Variants in LUC7L2 observed in about 807,000 individuals in gnomAD.
The protein encoded by LUC7L2 is LUC7 like 2, pre-mRNA splicing factor.
A neutral mutation model predicts 52.8 loss-of-function variants in LUC7L2; 25 were observed. The observed-to-expected ratio is 0.47, with a 90% CI of 0.34 to 0.66. LUC7L2 has a LOEUF of 0.66. Among genes scored for constraint, LUC7L2 ranks in the 30% least tolerant of loss-of-function variants. LUC7L2 has a pLI of 0.01. For synonymous variants in LUC7L2, 144 were observed against 160.9 expected, an observed-to-expected ratio of 0.89 and a Z score of 0.80; for missense variants, 328 against 497.8, an observed-to-expected ratio of 0.66 and a Z score of 3.25.
At chr7:139,376,654 T>G (rs1394156477) in intron 2 of LUC7L2, among the ~76,000 whole-genome samples, 1 of 152,206 alleles carries the variant, frequency 6.6e-6, no homozygotes, top group Non-Finnish European at 1.5e-5. Flanking sequence ...CAATTTAGAT[T>G]CTATGTCTGC....
At chr7:139,358,057 G>T (rs777046846), upstream of LUC7L2, among the ~76,000 whole-genome samples, 1 of 151,920 alleles carries the variant, frequency 6.6e-6, no homozygotes, top group Non-Finnish European at 1.5e-5. Context: ...ACCCAGCCTG[G>T]AGTGCAGTGG....
At chr7:139,381,514 A>C (rs1190007512) in intron 2 of LUC7L2, among the ~76,000 whole-genome samples, 1 of 151,578 alleles carries the variant, frequency 6.6e-6, no homozygotes, top group Non-Finnish European at 1.5e-5. Flanking sequence ...GGATCAAGCA[A>C]GTCTCCCGCC....
chr7:139,356,358 A>G (rs1799607110), upstream of LUC7L2, among the ~76,000 whole-genome samples: 1 of 150,826 alleles, frequency 6.6e-6, no homozygotes, highest in Admixed American at 6.6e-5. Context: ...CCTCCAACCT[A>G]GGATTTAGCT....
intron 1 of LUC7L2, among the ~76,000 whole-genome samples, chr7:139,366,446 A>G (rs552441860): frequency 6.6e-6 from 1 of 152,216 alleles, no homozygotes; most frequent in South Asian, 2.1e-4. Flanking sequence ...GTGCTCTAGT[A>G]TTAGTTTAAA....
chr7:139,360,020 G>C lies in LUC7L2; in HGVS notation c.-242G>C. The C allele has an allele frequency of 4.0e-6, 2 of 504,560 alleles. No homozygotes were observed. Among genetic ancestry groups the C allele is most frequent in the East Asian group, 3.5e-5 (1 of 28,440 alleles). The allele number at this position is 504,560 out of a possible 1,614,324, so 31.3% of individuals were successfully genotyped here. On this transcript the variant is annotated 5_prime_UTR_variant, in exon 1 of 10. Coordinates refer to ENST00000354926, the MANE Select transcript of LUC7L2 (RefSeq NM_016019.5). Reference sequence around the variant, plus strand: ...CCGTGTCGCTTCTGTCCCAAGAACCGGACGGAGAGTGAGGGCACGAGGGTC... The same window carrying C: ...CCGTGTCGCTTCTGTCCCAAGAACCCGACGGAGAGTGAGGGCACGAGGGTC...
At chr7:139,355,181 C>T (rs7801613), upstream of LUC7L2, among the ~76,000 whole-genome samples, 58,665 of 151,782 alleles carry the variant, frequency 0.39, 15,767 homozygotes, top group African/African-American at 0.77. Flanking sequence ...CCAGACTTTC[C>T]GCCCAGATTT....
intron 1 of LUC7L2, among the ~76,000 whole-genome samples, chr7:139,364,827 C>T (rs1800071128): frequency 6.6e-6 from 1 of 152,192 alleles, no homozygotes; most frequent in Non-Finnish European, 1.5e-5. Context: ...CTTGACTTTT[C>T]ATCAACATTG....
At position 139,360,224 on chromosome 7, in the gene LUC7L2, C is replaced by T. The variant is rs929287063; in HGVS notation, c.-38C>T. 37 of 1,514,562 alleles carry T rather than the reference C, an allele frequency of 2.4e-5. No individual in the cohort carries two copies. The highest frequency in any genetic ancestry group is 3.2e-5 in the Non-Finnish European group (36 of 1,119,094). 93.8% of individuals were successfully genotyped at this position (1,514,562 alleles called of 1,614,324 possible). A position where few individuals can be genotyped will look rare whatever the true frequency, so the allele number is the denominator to read the frequency against. ...CCCCAGCCCAAAAGGGCCCGGTCTG[C>T]GCCCCACCCCCGCCCGTCCGCCCGC... On this transcript the variant is annotated 5_prime_UTR_variant, in exon 1 of 10. Coordinates refer to ENST00000354926, the MANE Select transcript of LUC7L2 (RefSeq NM_016019.5).
chr7:139,420,225 CGA>C (rs1554398799), intron 9 of LUC7L2, among the ~76,000 whole-genome samples: 1 of 151,740 alleles, frequency 6.6e-6, no homozygotes, highest in Non-Finnish European at 1.5e-5. Context: ...TTTTTTGAGA[CGA>C]GAGTCTCGTT....
chr7:139,410,703 C>A (rs1233071858), intron 7 of LUC7L2, among the ~76,000 whole-genome samples: 1 of 152,094 alleles, frequency 6.6e-6, no homozygotes, highest in Non-Finnish European at 1.5e-5. Context: ...AATTTAAATA[C>A]CTTCTCTTTA....
intron 1 of LUC7L2, among the ~76,000 whole-genome samples, chr7:139,350,639 A>G (rs2131156143): frequency 6.6e-6 from 1 of 150,904 alleles, no homozygotes; most frequent in Admixed American, 6.6e-5. Context: ...CACTATGGGC[A>G]ATTCCCTGCT....
At position 139,412,570 on chromosome 7, in the gene LUC7L2, A is replaced by G; in HGVS notation, c.799A>G (p.Asn267Asp). The G allele has an allele frequency of 2.5e-6, 4 of 1,606,134 alleles. No homozygotes were observed. Among genetic ancestry groups the G allele is most frequent in the Non-Finnish European group, 3.4e-6 (4 of 1,177,562 alleles). The change falls in exon 8 of 10, where the codon AAT (asparagine) becomes GAT (aspartate). Residue 267 changes from asparagine (N) to aspartate (D), a missense_variant. Around this residue, in one of 2 missense-constraint regions of LUC7L2, gnomAD observed 195 missense variants for 223.3 expected, o/e 0.87. Coordinates refer to ENST00000354926, the MANE Select transcript of LUC7L2 (RefSeq NM_016019.5). ...TTTTAGGTCCCGATCACACAGCAAGAATCCAAAAAGGTAGGTGTATTACAT... is the reference window on the plus strand; with the variant it reads ...TTTTAGGTCCCGATCACACAGCAAGGATCCAAAAAGGTAGGTGTATTACAT... ...KLRRSRSHSK[N>D]PKRSRSREHR...
intron 1 of LUC7L2, among the ~76,000 whole-genome samples, chr7:139,367,097 G>C (rs1014218059): frequency 6.6e-6 from 1 of 151,882 alleles, no homozygotes; most frequent in Non-Finnish European, 1.5e-5. Flanking sequence ...CTAGCTTCCC[G>C]AGTGGCTGAG....
chr7:139,392,995 G>A (rs919473871), intron 2 of LUC7L2, among the ~76,000 whole-genome samples: 1 of 151,892 alleles, frequency 6.6e-6, no homozygotes, highest in African/African-American at 2.4e-5. Flanking sequence ...GACCAGGTGT[G>A]GTGGCTCACG....
At chr7:139,376,040 T>C (rs763502996) in intron 1 of LUC7L2, 22 bp from the exon 2 acceptor site, 1 of 1,612,536 alleles carries the variant, frequency 6.2e-7, no homozygotes, top group Non-Finnish European at 8.5e-7. Context: ...CCTTGAATGT[T>C]ATTAACTCTT....
chr7:139,345,094 T>C (rs1031834367), intron 1 of LUC7L2: 3 of 161,530 alleles, frequency 1.9e-5, no homozygotes, highest in Non-Finnish European at 4.0e-5. Context: ...AGTCCTTTAT[T>C]TGCTTGAAAG....
At chr7:139,348,768 T>G (rs1257643486) in intron 1 of LUC7L2, among the ~76,000 whole-genome samples, 1 of 152,200 alleles carries the variant, frequency 6.6e-6, no homozygotes, top group Non-Finnish European at 1.5e-5. Context: ...TTTACCAGAT[T>G]TGTGATCTTG....
At chr7:139,385,751 T>C (rs987303896) in intron 2 of LUC7L2, among the ~76,000 whole-genome samples, 3 of 152,232 alleles carry the variant, frequency 2.0e-5, no homozygotes, top group African/African-American at 4.8e-5. Flanking sequence ...CAGTGTCATA[T>C]TGATTTCTTT....
chr7:139,388,423 A>G (rs1794299238), intron 2 of LUC7L2, among the ~76,000 whole-genome samples: 1 of 151,992 alleles, frequency 6.6e-6, no homozygotes, highest in Non-Finnish European at 1.5e-5. Context: ...AGTGGTAGAA[A>G]AGCAGCAGCG....
Sources: allele counts gnomAD v4.1 joint callset (sites outside exome capture counted in the v4.1 genomes callset), GRCh38; gene constraint gnomAD v4.1.1; regional missense constraint gnomAD v4.1.1; transcripts MANE v1.5; gene names NCBI Gene and HGNC (gene_info 2026-07-23, HGNC 2026-07-21).